Variants in CEP350 observed in about 807,000 individuals in gnomAD.
CEP350 encodes the protein centrosomal protein 350.
Under a neutral mutation model 331.8 loss-of-function variants are expected in CEP350, and 126 were observed. That is an observed-to-expected ratio of 0.38 (90% CI 0.33 to 0.44). The LOEUF (loss-of-function observed/expected upper bound fraction) is 0.44. Ranked by LOEUF, CEP350 falls within the 20% of genes least tolerant of loss-of-function variation. The probability of loss-of-function intolerance (pLI) is 1.00; values close to 1 mark genes in which losing one functional copy is unlikely to be tolerated. For missense variants in CEP350, 3,406 were observed against 3,634.6 expected (o/e 0.94, Z 1.62); for synonymous variants, 1,200 against 1,259.5 (o/e 0.95, Z 1.00).
chr1:179,986,141 T>A, intron 1 of CEP350, 28 bp from the exon 2 acceptor site: 2 of 1,496,208 alleles, frequency 1.3e-6, no homozygotes, highest in Non-Finnish European at 1.8e-6. Context: ...ATAAGATTGA[T>A]GTTCGGTGAA....
In CEP350 at chr1:179,999,776, A is replaced by G. The variant is rs545669309; in HGVS notation, c.1018+2601A>G. Among the ~76,000 whole-genome samples the G allele has an allele frequency of 9.2e-5, 14 of 152,116 alleles. No homozygotes were observed. In the South Asian group the frequency reaches 2.9e-3, roughly 32 times the overall value. On this transcript the variant is annotated intron_variant, in intron 6 of 37. Coordinates refer to ENST00000367607, the MANE Select transcript of CEP350 (RefSeq NM_014810.5). Reference sequence around the variant, plus strand: ...GTATTGTGTGTCTGTGTATTTATTTATTTTCTTCCTCTTTTTATACAGTTA... The same window carrying G: ...GTATTGTGTGTCTGTGTATTTATTTGTTTTCTTCCTCTTTTTATACAGTTA...
intron 25 of CEP350, among the ~76,000 whole-genome samples, chr1:180,057,524 T>G: frequency 6.6e-6 from 1 of 151,990 alleles, no homozygotes; most frequent in East Asian, 1.9e-4. Flanking sequence ...TTCTTTTTTT[T>G]TTTTTAAACT....
intron 1 of CEP350, among the ~76,000 whole-genome samples, chr1:179,959,113 A>G (rs549504721): frequency 1.3e-5 from 2 of 152,230 alleles, no homozygotes; most frequent in Admixed American, 1.3e-4. Flanking sequence ...AGAGATCTAC[A>G]CATTTCATCA....
chr1:180,000,548 T>C (rs1368377996), intron 6 of CEP350: 2 of 156,456 alleles, frequency 1.3e-5, no homozygotes, highest in African/African-American at 2.4e-5. Context: ...AGTCTGTGTT[T>C]GGTCTCATTT....
At chr1:180,001,059 A>T (rs1653837616) in intron 6 of CEP350, among the ~76,000 whole-genome samples, 1 of 152,186 alleles carries the variant, frequency 6.6e-6, no homozygotes, top group Middle Eastern at 3.2e-3. Flanking sequence ...CTTACAAAGT[A>T]CTACTACCAG....
chr1:180,017,964 C>T (rs1410850337), intron 11 of CEP350, among the ~76,000 whole-genome samples: 1 of 152,148 alleles, frequency 6.6e-6, no homozygotes, highest in African/African-American at 2.4e-5. Context: ...TTTGTCATCC[C>T]TGCTAGATCT....
At chr1:179,978,750 T>C (rs539307503) in intron 1 of CEP350, among the ~76,000 whole-genome samples, 1 of 152,290 alleles carries the variant, frequency 6.6e-6, no homozygotes, top group South Asian at 2.1e-4. Context: ...CCATTGTGCA[T>C]ATATATTTTT....
In CEP350 at chr1:180,043,772, TTGTGTGTGTGTG is replaced by T. The variant is rs71118428; in HGVS notation, c.4500-257_4500-246del. ...GCGGGACTGGGTGACATTACCATATTTGTGTGTGTGTGTGTGTGTGTGTGTGTGTGTGTTTTC... is the reference window on the plus strand; with the variant it reads ...GCGGGACTGGGTGACATTACCATATTTGTGTGTGTGTGTGTGTGTGTTTTC... On this transcript the variant is annotated intron_variant, in intron 20 of 37. Coordinates refer to ENST00000367607, the MANE Select transcript of CEP350 (RefSeq NM_014810.5). Among the ~76,000 whole-genome samples the T allele has an allele frequency of 8.7e-5, 13 of 148,652 alleles. No individual in the cohort carries two copies. The South Asian group carries it at 1.5e-3, about 17-fold the overall frequency.
chr1:180,034,199 A>T, intron 16 of CEP350, 117 bp downstream of exon 16: 1 of 1,243,934 alleles, frequency 8.0e-7, no homozygotes, highest in South Asian at 1.6e-5. Context: ...AGTGAATATG[A>T]TTACTTTTCA....
At chr1:180,087,118 C>G (rs917381785) in intron 31 of CEP350, 1 of 152,164 alleles carries the variant, frequency 6.6e-6, no homozygotes, top group Non-Finnish European at 1.5e-5. Context: ...TCTCAACTAT[C>G]ATACTGTCAA....
intron 1 of CEP350, among the ~76,000 whole-genome samples, chr1:179,984,733 A>G (rs1021962077): frequency 6.6e-6 from 1 of 152,200 alleles, no homozygotes; most frequent in Non-Finnish European, 1.5e-5. Context: ...GCAGTTAAGT[A>G]AAGTAGGGCA....
In CEP350 at chr1:179,996,884, A is replaced by G. The variant is rs770038297; in HGVS notation, c.727A>G (p.Met243Val). 9 of 1,614,052 alleles carry G rather than the reference A, an allele frequency of 5.6e-6. No individual in the cohort carries two copies. The highest frequency in any genetic ancestry group is 1.1e-5 in the South Asian group (1 of 91,078). Residue 243 changes from methionine (M) to valine (V), a missense_variant, in exon 6 of 38, where the codon ATG (methionine) becomes GTG (valine). Coordinates refer to ENST00000367607, the MANE Select transcript of CEP350 (RefSeq NM_014810.5). Reference sequence around the variant, plus strand: ...TAATTTGAAGCTTTCTGTGAATAACATGGCCCATGATACTGATCCAAAAGC... The same window carrying G: ...TAATTTGAAGCTTTCTGTGAATAACGTGGCCCATGATACTGATCCAAAAGC... ...ENNLKLSVNN[M>V]AHDTDPKALR... is the part of the protein sequence containing the mutation.
In CEP350 at chr1:180,043,772, T is replaced by TTGTGTG. The variant is rs71118428; in HGVS notation, c.4500-251_4500-246dup. Among the ~76,000 whole-genome samples, 61 of 148,654 alleles carry TTGTGTG rather than the reference T, an allele frequency of 4.1e-4. 1 individual carries two copies. The highest frequency in any genetic ancestry group is 1.1e-3 in the African/African-American group (45 of 40,310). Reference sequence around the variant, plus strand: ...GCGGGACTGGGTGACATTACCATATTTGTGTGTGTGTGTGTGTGTGTGTGT... The same window carrying TTGTGTG: ...GCGGGACTGGGTGACATTACCATATTTGTGTGTGTGTGTGTGTGTGTGTGTGTGTGT... On this transcript the variant is annotated intron_variant, in intron 20 of 37. Coordinates refer to ENST00000367607, the MANE Select transcript of CEP350 (RefSeq NM_014810.5).
intron 1 of CEP350, among the ~76,000 whole-genome samples, chr1:179,957,422 A>G (rs1458885350): frequency 6.6e-6 from 1 of 152,088 alleles, no homozygotes; most frequent in African/African-American, 2.4e-5. Flanking sequence ...GTTGTTGTTC[A>G]TTGTTATCAT....
chr1:180,077,062 A>G (rs901554153), intron 28 of CEP350, among the ~76,000 whole-genome samples: 1 of 152,144 alleles, frequency 6.6e-6, no homozygotes, highest in African/African-American at 2.4e-5. Flanking sequence ...TAAAAGCTAT[A>G]AGGAGTGAGA....
intron 10 of CEP350, among the ~76,000 whole-genome samples, chr1:180,015,213 T>C (rs576726188): frequency 1.7e-4 from 13 of 76,730 alleles, no homozygotes; most frequent in African/African-American, 6.3e-4. Context: ...GGAAATTGTT[T>C]ATTTATTTAT....
At chr1:180,097,152 A>G (rs1033635992) in intron 36 of CEP350, among the ~76,000 whole-genome samples, 4 of 152,254 alleles carry the variant, frequency 2.6e-5, no homozygotes, top group Admixed American at 2.0e-4. Context: ...TTGGCAAACT[A>G]TGGCCCATAA....
Position 180,080,608 on chromosome 1 carries a change from C to A in CEP350, c.6071C>A (p.Ser2024Tyr), listed in dbSNP as rs1256017830. 4.3e-6 allele frequency: 7 copies of A among 1,613,870 alleles called. No homozygotes were observed. Among genetic ancestry groups the A allele is most frequent in the Non-Finnish European group, 5.9e-6 (7 of 1,179,816 alleles). Residue 2024 changes from serine (S) to tyrosine (Y), a missense_variant, in exon 30 of 38, where the codon TCC becomes TAC. This residue lies in a region of CEP350 where 1,415 missense variants were observed against 1,512.3 expected (regional missense o/e 0.94). Transcript: ENST00000367607. ...GGACAATGTCACCTGCCTATCAAGT[C>A]CCATCAGCACTGTTATAGTTGGTCA... ...TGGQCHLPIK[S>Y]HQHCYSWSDE...
At chr1:179,980,287 CT>C (rs978003259) in intron 1 of CEP350, among the ~76,000 whole-genome samples, 6 of 143,784 alleles carry the variant, frequency 4.2e-5, no homozygotes, top group East Asian at 2.1e-4. Flanking sequence ...TTTTTTTTTT[CT>C]TTTTTTTTGT....
Sources: allele counts gnomAD v4.1 joint callset (sites outside exome capture counted in the v4.1 genomes callset), GRCh38; gene constraint gnomAD v4.1.1; regional missense constraint gnomAD v4.1.1; transcripts MANE v1.5; gene names NCBI Gene and HGNC (gene_info 2026-07-23, HGNC 2026-07-21).